IFT88: variants seen among roughly 807,000 people sequenced by gnomAD.
IFT88 encodes the protein intraflagellar transport protein 88 homolog.
In IFT88, 74 loss-of-function variants were observed where a neutral mutation model predicts 119.5. That is an observed-to-expected ratio of 0.62 (90% confidence interval 0.51 to 0.75). IFT88 has a LOEUF of 0.75. Among genes scored for constraint, IFT88 ranks in the 30% least tolerant of loss-of-function variants. IFT88 has a pLI of 0.00. For synonymous variants in IFT88, 279 were observed against 316.7 expected (o/e 0.88, Z 1.26); for missense variants, 961 against 977.7 (o/e 0.98, Z 0.23).
intron 11 of IFT88, among the ~76,000 whole-genome samples, chr13:20,600,068 T>TC (rs1206332152): frequency 6.6e-6 from 1 of 152,138 alleles, no homozygotes; most frequent in African/African-American, 2.4e-5. Flanking sequence ...ATAGGAAGTT[T>TC]CCAAGATATT....
rs2045454529 is a variant in IFT88, at chr13:20,615,484, A to G, written c.1113-309A>G. 2.0e-5 allele frequency among the ~76,000 whole-genome samples: 3 copies of G among 152,296 alleles called. No individual in the cohort carries two copies. In the South Asian group the frequency reaches 6.2e-4, roughly 32 times the overall value. On this transcript the variant is annotated intron_variant, in intron 13 of 25. Coordinates refer to ENST00000351808, the MANE Select transcript of IFT88 (RefSeq NM_006531.5). ...TACTTTCGTGTCTGCAGTGTAGGCT[A>G]CGTAAGTTCCGCTGCAGGGCCTTGT...
rs2041767238 is a variant in IFT88, at chr13:20,597,042, A to G, written c.517A>G (p.Arg173Gly). Residue 173 changes from arginine (R) to glycine (G), a missense_variant, in exon 9 of 26, where the codon AGA becomes GGA. Physicochemically the swap from Arg to Gly is moderately radical, Grantham distance 125 (BLOSUM62 -2). Transcript: ENST00000351808. ...LALEKAKDAGRKERVLVRQRE... is the reference protein window; with the variant it reads ...LALEKAKDAGGKERVLVRQRE... ...CTTAGAAAAGGCAAAAGATGCAGGA[A>G]GAAAAGAGAGAGTCCTGGTGAGACA... 6.2e-7 allele frequency: 1 copy of G among 1,605,746 alleles called. No individual in the cohort carries two copies. The highest frequency in any genetic ancestry group is 1.7e-5 in the Admixed American group (1 of 58,740).
chr13:20,653,955 A>G (rs200526958), intron 21 of IFT88, 27 bp downstream of exon 21: 1 of 1,455,714 alleles, frequency 6.9e-7, no homozygotes, highest in South Asian at 1.3e-5. Flanking sequence ...TATTCATTTT[A>G]TAGATATTTT....
At chr13:20,688,165 G>A (rs1278160854) in intron 24 of IFT88, among the ~76,000 whole-genome samples, 2 of 152,120 alleles carry the variant, frequency 1.3e-5, no homozygotes, top group Non-Finnish European at 2.9e-5. Flanking sequence ...GTGAAACCCC[G>A]TCTCTACTAA....
At chr13:20,623,697 A>G (rs2046885689) in intron 14 of IFT88, among the ~76,000 whole-genome samples, 1 of 151,998 alleles carries the variant, frequency 6.6e-6, no homozygotes. Context: ...GGATGGTCTC[A>G]ATCTCCTGAC....
At chr13:20,583,154 C>G in intron 3 of IFT88, 135 bp downstream of exon 3, 1 of 533,268 alleles carries the variant, frequency 1.9e-6, no homozygotes, top group South Asian at 3.1e-5. Flanking sequence ...GGTAGTGAAA[C>G]AGATCTTCAG....
intron 13 of IFT88, among the ~76,000 whole-genome samples, chr13:20,613,405 T>C (rs373873054): frequency 0.046 from 6,536 of 142,880 alleles, 184 homozygotes; most frequent in Middle Eastern, 0.077. Context: ...TCACACCTAC[T>C]AGTATGCTAT....
intron 13 of IFT88, chr13:20,614,311 G>T (rs527311706): frequency 1.3e-5 from 2 of 152,258 alleles, no homozygotes; most frequent in African/African-American, 4.8e-5. Context: ...GTATGTTTTT[G>T]TGATGAATGA....
At chr13:20,573,591 C>G (rs1354218903) in intron 1 of IFT88, among the ~76,000 whole-genome samples, 2 of 152,120 alleles carry the variant, frequency 1.3e-5, no homozygotes, top group Non-Finnish European at 2.9e-5. Flanking sequence ...ATAAAAGGTA[C>G]TTTTAATAAA....
chr13:20,588,591 A>G (rs1490912721), intron 3 of IFT88, among the ~76,000 whole-genome samples: 1 of 152,236 alleles, frequency 6.6e-6, no homozygotes, highest in Non-Finnish European at 1.5e-5. Flanking sequence ...ACTAAAATAA[A>G]TAAATTCTTG....
intron 24 of IFT88, among the ~76,000 whole-genome samples, chr13:20,685,180 C>T (rs1005938035): frequency 2.0e-5 from 3 of 152,174 alleles, no homozygotes; most frequent in African/African-American, 7.2e-5. Context: ...TTATCTGCAG[C>T]AAAAACACGT....
intron 13 of IFT88, chr13:20,607,364 C>T (rs758461795): frequency 8.8e-6 from 5 of 569,510 alleles, no homozygotes; most frequent in South Asian, 1.6e-5. Context: ...GTCCTATGCA[C>T]ACACCATTAA....
At chr13:20,587,990 T>C (rs1247505853) in intron 3 of IFT88, among the ~76,000 whole-genome samples, 2 of 108,384 alleles carry the variant, frequency 1.8e-5, no homozygotes, top group Non-Finnish European at 3.8e-5. Flanking sequence ...GCTATCTTAC[T>C]ATTTGCTTTT....
At chr13:20,610,821 G>A (rs967593292) in intron 13 of IFT88, among the ~76,000 whole-genome samples, 5 of 152,150 alleles carry the variant, frequency 3.3e-5, no homozygotes, top group Non-Finnish European at 7.4e-5. Flanking sequence ...TGTGAAACTG[G>A]TTTAACATGT....
At chr13:20,686,626 C>G (rs1413543811) in intron 24 of IFT88, among the ~76,000 whole-genome samples, 1 of 148,344 alleles carries the variant, frequency 6.7e-6, no homozygotes, top group African/African-American at 2.5e-5. Context: ...TTCACAAAAT[C>G]ATTGTATTTA....
chr13:20,619,630 G>T (rs1279406383), intron 14 of IFT88, among the ~76,000 whole-genome samples: 1 of 151,536 alleles, frequency 6.6e-6, no homozygotes, highest in South Asian at 2.1e-4. Flanking sequence ...ATGTGACTGG[G>T]TGTTGTGATT....
chr13:20,638,231 T>C, intron 16 of IFT88, 101 bp from the exon 17 acceptor site: 1 of 630,092 alleles, frequency 1.6e-6, no homozygotes, highest in Non-Finnish European at 2.4e-6. Flanking sequence ...GTTCATTACA[T>C]TTATAATCTC....
intron 13 of IFT88, among the ~76,000 whole-genome samples, chr13:20,611,971 T>C (rs900911624): frequency 2.8e-5 from 3 of 106,726 alleles, no homozygotes; most frequent in Non-Finnish European, 6.1e-5. Flanking sequence ...GCAAAACAAA[T>C]AAACTTAAAA....
chr13:20,609,193 G>A (rs76367787), intron 13 of IFT88, among the ~76,000 whole-genome samples: 1,978 of 152,274 alleles, frequency 0.013, 43 homozygotes, highest in African/African-American at 0.045. Flanking sequence ...ATTCCCACTG[G>A]TGATGCCTGT....
Sources: gnomAD v4.1 joint callset for allele counts (sites outside exome capture counted in the v4.1 genomes callset) on GRCh38, gnomAD v4.1.1 for gene constraint, MANE v1.5 for transcripts, NCBI Gene and HGNC (gene_info 2026-07-23, HGNC 2026-07-21) for gene names.